The following FXR1 variants were observed in gnomAD, a reference collection of about 807,000 sequenced individuals.
FXR1 encodes RNA-binding protein FXR1.
A neutral mutation model predicts 84.0 loss-of-function variants in FXR1; 15 were observed. The ratio of observed to expected loss-of-function variants is 0.18; its 90% CI spans 0.12 to 0.27. FXR1 has a LOEUF of 0.27. FXR1 is among the 10% of genes least tolerant of loss of function. The probability of loss-of-function intolerance (pLI) is 1.00; values close to 1 mark genes in which losing one functional copy is unlikely to be tolerated. For missense variants in FXR1, 480 were observed against 774.4 expected (o/e 0.62, Z 4.51); for synonymous variants, 245 against 250.7 (o/e 0.98, Z 0.21).
chr3:180,920,673 G>A (rs771040615), intron 1 of FXR1, among the ~76,000 whole-genome samples: 2 of 151,968 alleles, frequency 1.3e-5, no homozygotes, highest in Non-Finnish European at 2.9e-5. Flanking sequence ...CACCACGCCC[G>A]GCTAATTTTG....
At chr3:180,945,245 AT>A (rs1453753042) in intron 3 of FXR1, among the ~76,000 whole-genome samples, 1 of 152,246 alleles carries the variant, frequency 6.6e-6, no homozygotes, top group Non-Finnish European at 1.5e-5. Context: ...ATTTTAGCAC[AT>A]TTAGTCAGTT....
At chr3:180,936,023 C>T (rs1720484874) in intron 3 of FXR1, among the ~76,000 whole-genome samples, 1 of 152,138 alleles carries the variant, frequency 6.6e-6, no homozygotes, top group Non-Finnish European at 1.5e-5. Flanking sequence ...TCCTGAATAG[C>T]TGGAACTACA....
intron 1 of FXR1, among the ~76,000 whole-genome samples, chr3:180,928,853 T>G (rs146535225): frequency 2.0e-5 from 3 of 152,188 alleles, no homozygotes; most frequent in African/African-American, 7.2e-5. Context: ...GGATAGTGCT[T>G]TTTCACTGCT....
chr3:180,921,879 C>G (rs1324865467), intron 1 of FXR1, among the ~76,000 whole-genome samples: 1 of 152,098 alleles, frequency 6.6e-6, no homozygotes, highest in Non-Finnish European at 1.5e-5. Context: ...TCACCTCCGC[C>G]TCCATATTAG....
intron 14 of FXR1, among the ~76,000 whole-genome samples, chr3:180,969,830 A>T (rs1713311993): frequency 6.6e-6 from 1 of 152,162 alleles, no homozygotes; most frequent in Admixed American, 6.5e-5. Context: ...TCTGGGCAGG[A>T]TTACCTTGAA....
chr3:180,975,977 T>G (rs1714190323), intron 16 of FXR1, 145 bp from the exon 17 acceptor site: 1 of 595,372 alleles, frequency 1.7e-6, no homozygotes, highest in Middle Eastern at 2.7e-4. Flanking sequence ...TGTTTTGAAT[T>G]TTAAAGATGT....
At position 180,948,495 on chromosome 3, in the gene FXR1, C is replaced by T. The variant is rs775084355; in HGVS notation, c.419C>T (p.Ala140Val). 2.5e-6 allele frequency: 4 copies of T among 1,590,850 alleles called. No individual in the cohort carries two copies. Among genetic ancestry groups the T allele is most frequent in the Non-Finnish European group, 3.4e-6 (4 of 1,162,570 alleles). ...GATGTTCCTGAGGATTTGAGAGAGG[C>T]GTGAGTAATTTTATATACTATTGAA... The part of the protein sequence containing the change: ...TVDVPEDLRE[A>V]CANENAHKDF... Residue 140 changes from alanine to valine, a missense_variant and splice_region_variant, in exon 5 of 17, where the codon GCG (alanine) becomes GTG (valine). Physicochemically the swap from Ala to Val is moderately conservative, Grantham distance 64 (BLOSUM62 0). Coordinates refer to ENST00000357559, the MANE Select transcript of FXR1 (RefSeq NM_005087.4).
intron 8 of FXR1, among the ~76,000 whole-genome samples, chr3:180,953,225 C>G (rs1443699802): frequency 6.6e-6 from 1 of 152,066 alleles, no homozygotes; most frequent in Non-Finnish European, 1.5e-5. Flanking sequence ...GAGACTCACT[C>G]CCAACCCTCT....
rs367828425 is a variant in FXR1, at chr3:180,970,977, G to T, written c.1603+619G>T. The T allele has an allele frequency of 1.2e-5, 3 of 245,846 alleles. No individual in the cohort carries two copies. The South Asian group carries it at 1.6e-4, about 13-fold the overall frequency. The allele number at this position is 245,846 out of a possible 1,614,324, so 15.2% of individuals were successfully genotyped here. A position where few individuals can be genotyped will look rare whatever the true frequency, so the allele number is the denominator to read the frequency against. On this transcript the variant is annotated intron_variant, in intron 15 of 16. Coordinates refer to ENST00000357559, the MANE Select transcript of FXR1 (RefSeq NM_005087.4). Reference sequence around the variant, plus strand: ...GTTTTATTTTTGTGTTTAATTAAAAGTTTATTTTTCCCCTTTAAATCTTTG... The same window carrying T: ...GTTTTATTTTTGTGTTTAATTAAAATTTTATTTTTCCCCTTTAAATCTTTG...
chr3:180,927,580 A>G lies in FXR1; in HGVS notation c.52-5754A>G, dbSNP rs965859387. The G allele has an allele frequency of 1.5e-5, 9 of 591,152 alleles. 1 individual carries two copies. The highest frequency in any genetic ancestry group is 9.8e-5 in the Admixed American group (3 of 30,678). 36.6% of individuals were successfully genotyped at this position (591,152 alleles called of 1,614,324 possible). The stretch of plus-strand genomic sequence containing the variant: ...TTGAGAAACTTTTTGTTTTTCAGCT[A>G]TATTCTGTAATTTCAAAAATATATT... On this transcript the variant is annotated intron_variant, in intron 1 of 16. Transcript: ENST00000357559.
At chr3:180,959,196 C>T (rs565322881) in intron 10 of FXR1, among the ~76,000 whole-genome samples, 16 of 152,288 alleles carry the variant, frequency 1.1e-4, no homozygotes, top group Middle Eastern at 6.8e-3. Flanking sequence ...AATCCCATTA[C>T]GTTGCTGTTA....
chr3:180,927,609 A>G (rs1471003493), intron 1 of FXR1: 16 of 596,736 alleles, frequency 2.7e-5, no homozygotes, highest in Non-Finnish European at 4.1e-5. Flanking sequence ...ATATATTCAT[A>G]AAGTAAGCAG....
intron 1 of FXR1, chr3:180,927,607 A>T (rs1719378475): frequency 1.7e-6 from 1 of 596,798 alleles, no homozygotes; most frequent in Non-Finnish European, 2.9e-6. Context: ...AAATATATTC[A>T]TAAAGTAAGC....
chr3:180,978,423 G>A lies in FXR1; in HGVS notation c.*2131G>A, dbSNP rs1477188509. 1 of 151,994 alleles carries A rather than the reference G, an allele frequency of 6.6e-6. No homozygotes were observed. The highest frequency in any genetic ancestry group is 2.1e-4 in the South Asian group (1 of 4,832). The allele number at this position is 151,994 out of a possible 1,614,324, so 9.4% of individuals were successfully genotyped here. A position where few individuals can be genotyped will look rare whatever the true frequency, so the allele number is the denominator to read the frequency against. On this transcript the variant is annotated 3_prime_UTR_variant, in exon 17 of 17. Transcript: ENST00000357559. ...GGTAGTGCAGAATTGTGATAAATAC[G>A]CATTTGTTTTTTTAGAGAGCCCCAC...
intron 3 of FXR1, among the ~76,000 whole-genome samples, chr3:180,943,467 A>G (rs1721358945): frequency 6.6e-6 from 1 of 151,102 alleles, no homozygotes; most frequent in South Asian, 2.1e-4. Flanking sequence ...GGGTTTTGCC[A>G]TGTTGGCCAG....
At chr3:180,948,674 C>T in intron 5 of FXR1, 47 bp from the exon 6 acceptor site, 1 of 1,074,088 alleles carries the variant, frequency 9.3e-7, no homozygotes, top group Non-Finnish European at 1.4e-6. Context: ...TCTCCTCTGA[C>T]TTTAATCTGT....
chr3:180,912,944 G>T (rs1283461253), intron 1 of FXR1, among the ~76,000 whole-genome samples: 2 of 152,114 alleles, frequency 1.3e-5, no homozygotes, highest in African/African-American at 4.8e-5. Context: ...ACAACACGTC[G>T]GACACCTCTT....
rs1237348440 is a variant in FXR1, at chr3:180,977,914, T to TA, written c.*1623dup. ...GATTAAGGTTAAAATGTGCTGGTAT[T>TA]ACGTGCTTTTTCCTGAGGCCTTCTG... On this transcript the variant is annotated 3_prime_UTR_variant, in exon 17 of 17. Coordinates refer to ENST00000357559, the MANE Select transcript of FXR1 (RefSeq NM_005087.4). The TA allele has an allele frequency of 6.6e-6, 1 of 152,006 alleles. No individual in the cohort carries two copies. Among genetic ancestry groups the TA allele is most frequent in the Admixed American group, 6.6e-5 (1 of 15,236 alleles). The allele number at this position is 152,006 out of a possible 1,614,324, so 9.4% of individuals were successfully genotyped here.
chr3:180,933,257 C>A (rs907479552), intron 1 of FXR1, 77 bp from the exon 2 acceptor site: 5 of 844,956 alleles, frequency 5.9e-6, no homozygotes, highest in Middle Eastern at 5.9e-4. Context: ...TCCCTATTAT[C>A]TTTGAACTAA....
Sources: allele counts gnomAD v4.1 joint callset (sites outside exome capture counted in the v4.1 genomes callset), GRCh38; gene constraint gnomAD v4.1.1; transcripts MANE v1.5; gene names NCBI Gene and HGNC (gene_info 2026-07-23, HGNC 2026-07-21).